The following PRDM16 variants were observed in gnomAD, a reference collection of about 807,000 sequenced individuals.
PRDM16 encodes the protein PR/SET domain 16, also known as histone-lysine N-methyltransferase PRDM16.
Under a neutral mutation model 110.6 loss-of-function variants are expected in PRDM16, and 23 were observed. The ratio of observed to expected loss-of-function variants is 0.21; its 90% confidence interval spans 0.15 to 0.29. The LOEUF is 0.29. Among genes scored for constraint, PRDM16 ranks in the 10% least tolerant of loss-of-function variants. PRDM16 has a pLI of 1.00. For synonymous variants in PRDM16, 799 were observed against 781.8 expected, an observed-to-expected ratio of 1.02 and a Z score of -0.37; for missense variants, 1,615 against 1,794.3, an observed-to-expected ratio of 0.90 and a Z score of 1.81.
chr1:3,178,654 C>G (rs570563058), intron 1 of PRDM16, among the ~76,000 whole-genome samples: 44 of 152,328 alleles, frequency 2.9e-4, no homozygotes, highest in African/African-American at 1.0e-3. Flanking sequence ...CCCTGTTTCC[C>G]CCAGGATGCA....
At position 3,190,189 on chromosome 1, in the gene PRDM16, G is replaced by A. The variant is rs572947437; in HGVS notation, c.387+3715G>A. On this transcript the variant is annotated intron_variant, in intron 2 of 16. Coordinates refer to ENST00000270722, the MANE Select transcript of PRDM16 (RefSeq NM_022114.4). The surrounding 1 kb of genome is among the most constrained non-coding windows in gnomAD (Gnocchi z 5.0). ...CGTGGGGCAGCCTTACTTCAAGGTC[G>A]TGGGGCAGCGTTACTTCAAGGTCGT... Among the ~76,000 whole-genome samples the A allele has an allele frequency of 6.6e-5, 10 of 151,252 alleles. No homozygotes were observed. In the South Asian group the frequency reaches 8.3e-4, roughly 13 times the overall value.
chr1:3,183,206 G>A (rs909574885), intron 1 of PRDM16, among the ~76,000 whole-genome samples: 3 of 152,268 alleles, frequency 2.0e-5, no homozygotes, highest in South Asian at 2.1e-4. Flanking sequence ...AGATGCCCAC[G>A]TCCAGAACAA....
chr1:3,083,528 A>T (rs1262308511), intron 1 of PRDM16, among the ~76,000 whole-genome samples: 1 of 148,776 alleles, frequency 6.7e-6, no homozygotes, highest in Non-Finnish European at 1.5e-5. Flanking sequence ...GAAGAGGCGA[A>T]CCAAGGAATG....
rs1640885996 is a variant in PRDM16, at chr1:3,287,659, ACG to A, written c.438+43523_438+43524del. Among the ~76,000 whole-genome samples, 4 of 50,328 alleles carry A rather than the reference ACG, an allele frequency of 7.9e-5. 1 individual carries two copies. The highest frequency in any genetic ancestry group is 6.9e-4 in the African/African-American group (4 of 5,782). The allele number at this position is 50,328 out of a possible 152,430, so 33.0% of individuals were successfully genotyped here. On this transcript the variant is annotated intron_variant, in intron 3 of 16. Coordinates refer to ENST00000270722, the MANE Select transcript of PRDM16 (RefSeq NM_022114.4). Reference sequence around the variant, plus strand: ...ACCGGGGCTGGAGCCGCCCCCTGCCACGTGGGCATCCAGGATTGCATTTACCG... The same window carrying A: ...ACCGGGGCTGGAGCCGCCCCCTGCCATGGGCATCCAGGATTGCATTTACCG...
At chr1:3,104,269 G>T (rs1642597018) in intron 1 of PRDM16, among the ~76,000 whole-genome samples, 1 of 152,226 alleles carries the variant, frequency 6.6e-6, no homozygotes, top group Non-Finnish European at 1.5e-5. Flanking sequence ...GGAAGTCAGG[G>T]CTAAGCAGAG....
chr1:3,083,135 G>A (rs1642068205), intron 1 of PRDM16, among the ~76,000 whole-genome samples: 1 of 152,214 alleles, frequency 6.6e-6, no homozygotes, highest in African/African-American at 2.4e-5. Context: ...GTGTGTGTGA[G>A]AGCAGAGCCG....
intron 1 of PRDM16, among the ~76,000 whole-genome samples, chr1:3,182,236 C>T (rs1450324708): frequency 1.3e-5 from 2 of 152,250 alleles, no homozygotes; most frequent in African/African-American, 4.8e-5. Flanking sequence ...GGCCAAGAAT[C>T]TAGGCTGAAA....
chr1:3,145,591 G>A (rs1467019642), intron 1 of PRDM16, among the ~76,000 whole-genome samples: 1 of 152,178 alleles, frequency 6.6e-6, no homozygotes, highest in African/African-American at 2.4e-5. Context: ...GTGCAGCAGT[G>A]AAATTCCACA....
intron 2 of PRDM16, chr1:3,186,712 ATG>A (rs1314904349): frequency 1.1e-5 from 5 of 460,010 alleles, no homozygotes; most frequent in African/African-American, 2.0e-5. Context: ...TCTCCCGGAA[ATG>A]TGTCTTTCAT....
intron 1 of PRDM16, among the ~76,000 whole-genome samples, chr1:3,079,020 C>T (rs1254890120): frequency 3.3e-5 from 5 of 152,380 alleles, no homozygotes; most frequent in South Asian, 2.1e-4. Context: ...GGAGCCCAAA[C>T]GGTGACCGCA....
rs1638584314 is a variant in PRDM16 at position 3,425,733 on chromosome 1, A to G, written c.3092A>G (p.Glu1031Gly). The G allele has an allele frequency of 6.2e-7, 1 of 1,613,668 alleles. No homozygotes were observed. Among genetic ancestry groups the G allele is most frequent in the Non-Finnish European group, 8.5e-7 (1 of 1,179,936 alleles). The change falls in exon 13 of 17, where the codon GAG becomes GGG. Residue 1031 changes from glutamate (E) to glycine (G), a missense_variant. Physicochemically the swap from Glu to Gly is moderately conservative, Grantham distance 98. Transcript: ENST00000270722. This position sits in a 1 kb window ranked among gnomAD's most constrained non-coding sequence, Gnocchi z 6.9. ...CTGGACCGGCACCTCAAGAAGCACG[A>G]GCACGAGAACGCACCAGGTGGGCCA... ...TNLDRHLKKH[E>G]HENAPVSQHP...
At chr1:3,215,791 C>T (rs1195381470) in intron 2 of PRDM16, among the ~76,000 whole-genome samples, 3 of 152,152 alleles carry the variant, frequency 2.0e-5, no homozygotes, top group East Asian at 1.9e-4. Context: ...AAATTCTGCC[C>T]GTGTCCGCAC....
chr1:3,181,084 A>C (rs549408196), intron 1 of PRDM16, among the ~76,000 whole-genome samples: 3,041 of 123,726 alleles, frequency 0.025, 158 homozygotes, highest in African/African-American at 0.088. Context: ...GGTCTTACAC[A>C]CGGCCTTACA....
intron 2 of PRDM16, among the ~76,000 whole-genome samples, chr1:3,203,637 T>C (rs2817142): frequency 1 from 151,805 of 152,310 alleles, 75,652 homozygotes; most frequent in Middle Eastern, 1. Flanking sequence ...GCAGACACGG[T>C]GCCCTCGAGG....
intron 1 of PRDM16, among the ~76,000 whole-genome samples, chr1:3,139,767 A>G (rs1643510569): frequency 6.6e-6 from 1 of 152,240 alleles, no homozygotes; most frequent in Non-Finnish European, 1.5e-5. Flanking sequence ...TTAGCAGGAA[A>G]GGGAGCTGCT....
Position 3,329,230 on chromosome 1 carries a change from T to C in PRDM16, c.439-55922T>C, listed in dbSNP as rs150385126. On this transcript the variant is annotated intron_variant, in intron 3 of 16. Coordinates refer to ENST00000270722, the MANE Select transcript of PRDM16 (RefSeq NM_022114.4). ...AGGCACAGCTGCCCAGCGGGCATGG[T>C]GGTGTTCGTGGTGGCGTTCCAGATG... Among the ~76,000 whole-genome samples, 1,506 of 152,242 alleles carry C rather than the reference T, an allele frequency of 9.9e-3. 15 individuals are homozygous for C. Among genetic ancestry groups the C allele is most frequent in the African/African-American group, 0.034 (1,394 of 41,558 alleles).
At chr1:3,215,582 C>T (rs566316713) in intron 2 of PRDM16, among the ~76,000 whole-genome samples, 13 of 152,282 alleles carry the variant, frequency 8.5e-5, no homozygotes, top group Non-Finnish European at 1.8e-4. Flanking sequence ...CTCCACCGAG[C>T]GGACCAACCC....
chr1:3,349,763 C>T (rs1642444429), intron 3 of PRDM16, among the ~76,000 whole-genome samples: 1 of 152,208 alleles, frequency 6.6e-6, no homozygotes, highest in Non-Finnish European at 1.5e-5. Flanking sequence ...CTACTGGGAG[C>T]TTTCTGTTCT....
chr1:3,325,989 A>G (rs1196465820), intron 3 of PRDM16, among the ~76,000 whole-genome samples: 1 of 134,996 alleles, frequency 7.4e-6, no homozygotes, highest in Non-Finnish European at 1.6e-5. Flanking sequence ...ATCCTCGACC[A>G]TCCTTGGCCC....
Sources: gnomAD v4.1 joint callset for allele counts (sites outside exome capture counted in the v4.1 genomes callset) on GRCh38, gnomAD v4.1.1 for gene constraint, Gnocchi (gnomAD v3.1) non-coding constraint, MANE v1.5 for transcripts, NCBI Gene and HGNC (gene_info 2026-07-23, HGNC 2026-07-21) for gene names.